Variants in VAV3 observed in about 807,000 individuals in gnomAD.
The protein encoded by VAV3 is guanine nucleotide exchange factor VAV3.
Under a neutral mutation model 131.2 loss-of-function variants are expected in VAV3, and 94 were observed. The ratio of observed to expected loss-of-function variants is 0.72; its 90% CI spans 0.61 to 0.85. The LOEUF is 0.85. Among genes scored for constraint, VAV3 ranks in the 40% least tolerant of loss-of-function variants. VAV3 has a pLI of 0.00. For synonymous variants in VAV3, 349 were observed against 342.0 expected (o/e 1.02, Z -0.22); for missense variants, 939 against 1,002.7 (o/e 0.94, Z 0.86).
At chr1:107,818,336 A>G (rs1052465085) in intron 2 of VAV3, among the ~76,000 whole-genome samples, 1 of 151,998 alleles carries the variant, frequency 6.6e-6, no homozygotes, top group South Asian at 2.1e-4. Context: ...TATATTCTCT[A>G]TACGTTTAGT....
At chr1:107,851,019 G>A (rs1268566943) in intron 2 of VAV3, among the ~76,000 whole-genome samples, 1 of 151,984 alleles carries the variant, frequency 6.6e-6, no homozygotes, top group African/African-American at 2.4e-5. Context: ...GAGCAGCAGG[G>A]GCCCAAGGTA....
chr1:107,903,982 A>C (rs1671989595), intron 1 of VAV3, among the ~76,000 whole-genome samples: 1 of 151,998 alleles, frequency 6.6e-6, no homozygotes, highest in South Asian at 2.1e-4. Flanking sequence ...CTGCAGCTGG[A>C]TACTCTAACA....
At chr1:107,647,024 T>C (rs900693718) in intron 19 of VAV3, among the ~76,000 whole-genome samples, 1 of 151,720 alleles carries the variant, frequency 6.6e-6, no homozygotes, top group African/African-American at 2.4e-5. Context: ...TAGATATAAA[T>C]TGTTTCACTG....
At chr1:107,717,517 G>A (rs184348274) in intron 15 of VAV3, among the ~76,000 whole-genome samples, 1 of 152,270 alleles carries the variant, frequency 6.6e-6, no homozygotes, top group Admixed American at 6.5e-5. Context: ...TTCAGGAGCA[G>A]GTTGTTCAGT....
intron 20 of VAV3, among the ~76,000 whole-genome samples, chr1:107,620,542 C>T (rs558445153): frequency 5.9e-5 from 9 of 152,264 alleles, no homozygotes; most frequent in Admixed American, 3.3e-4. Context: ...ATAACATTTA[C>T]ACAATGATGC....
intron 21 of VAV3, among the ~76,000 whole-genome samples, chr1:107,616,309 C>A (rs1435113458): frequency 6.6e-6 from 1 of 151,990 alleles, no homozygotes; most frequent in Non-Finnish European, 1.5e-5. Context: ...GAGCTGGAGG[C>A]CATTATCATG....
intron 1 of VAV3, among the ~76,000 whole-genome samples, chr1:107,941,302 A>C (rs1673983790): frequency 6.6e-6 from 1 of 152,160 alleles, no homozygotes; most frequent in African/African-American, 2.4e-5. Context: ...TGCGTAGTAG[A>C]GTCATCATCT....
intron 4 of VAV3, among the ~76,000 whole-genome samples, chr1:107,773,106 T>C (rs897731670): frequency 1.5e-4 from 23 of 152,210 alleles, no homozygotes; most frequent in African/African-American, 5.5e-4. Flanking sequence ...TCTACATATA[T>C]TATCTTACAT....
In VAV3 at chr1:107,592,325, T is replaced by C. The variant is rs140669200; in HGVS notation, c.2350+3887A>G. 8.6e-3 allele frequency among the ~76,000 whole-genome samples: 1,311 copies of C among 152,244 alleles called. 5 individuals carry two copies. Among genetic ancestry groups the C allele is most frequent in the Middle Eastern group, 0.031 (9 of 294 alleles). On this transcript the variant is annotated intron_variant, in intron 25 of 26. Coordinates refer to ENST00000370056, the MANE Select transcript of VAV3 (RefSeq NM_006113.5). ...ACAATAATACCACCAAAGTGTTGGT[T>C]TGTCCTGCTTGGAGCATTATATTAG...
chr1:107,814,500 T>TGCTGA (rs71589181), intron 2 of VAV3, among the ~76,000 whole-genome samples: 1 of 151,334 alleles, frequency 6.6e-6, no homozygotes, highest in African/African-American at 2.4e-5. Flanking sequence ...GATTACTTAC[T>TGCTGA]GTTGAGTTCC....
At chr1:107,957,843 C>T (rs1296121147) in intron 1 of VAV3, among the ~76,000 whole-genome samples, 2 of 151,582 alleles carry the variant, frequency 1.3e-5, no homozygotes, top group African/African-American at 4.9e-5. Context: ...TAGATCAACC[C>T]CATTTGTATT....
At chr1:107,728,023 C>T (rs1284310043) in intron 15 of VAV3, among the ~76,000 whole-genome samples, 1 of 152,176 alleles carries the variant, frequency 6.6e-6, no homozygotes, top group Non-Finnish European at 1.5e-5. Context: ...ATGCTAGTAT[C>T]AAGTATTCAG....
At chr1:107,663,671 G>A (rs1006684364) in intron 19 of VAV3, among the ~76,000 whole-genome samples, 16 of 152,112 alleles carry the variant, frequency 1.1e-4, no homozygotes, top group African/African-American at 3.4e-4. Context: ...TTTTACCTCC[G>A]CTGAAAAATC....
intron 1 of VAV3, among the ~76,000 whole-genome samples, chr1:107,928,893 G>A (rs1297867509): frequency 6.6e-6 from 1 of 152,012 alleles, no homozygotes; most frequent in African/African-American, 2.4e-5. Flanking sequence ...CGATATCCAA[G>A]TATAATAAGG....
intron 20 of VAV3, among the ~76,000 whole-genome samples, chr1:107,621,237 C>T (rs1653577545): frequency 6.6e-6 from 1 of 152,032 alleles, no homozygotes; most frequent in Non-Finnish European, 1.5e-5. Context: ...CTTAAATGGT[C>T]ATAGGCATTC....
intron 19 of VAV3, among the ~76,000 whole-genome samples, chr1:107,653,085 C>T (rs976435508): frequency 3.3e-5 from 5 of 151,654 alleles, no homozygotes; most frequent in Admixed American, 6.6e-5. Flanking sequence ...TAGTAGAGAG[C>T]ATATTCAGAT....
chr1:107,702,805 A>C (rs79697604), intron 17 of VAV3, among the ~76,000 whole-genome samples: 3 of 134,710 alleles, frequency 2.2e-5, no homozygotes, highest in African/African-American at 8.8e-5. Context: ...CAAAAAAAAA[A>C]AAAAAACCTG....
chr1:107,946,553 T>C (rs1260255916), intron 1 of VAV3, among the ~76,000 whole-genome samples: 1 of 152,146 alleles, frequency 6.6e-6, no homozygotes, highest in Non-Finnish European at 1.5e-5. Context: ...AATTTCGCAT[T>C]GGAAAACAAA....
intron 15 of VAV3, among the ~76,000 whole-genome samples, chr1:107,724,972 T>G (rs1661747955): frequency 1.3e-5 from 2 of 152,152 alleles, no homozygotes; most frequent in Admixed American, 1.3e-4. Flanking sequence ...ATCATATTTG[T>G]ATTTAGGAAA....
Sources: allele counts gnomAD v4.1 joint callset (sites outside exome capture counted in the v4.1 genomes callset), GRCh38; gene constraint gnomAD v4.1.1; transcripts MANE v1.5; gene names NCBI Gene and HGNC (gene_info 2026-07-23, HGNC 2026-07-21).